Variants in CWC25 observed in about 807,000 individuals in gnomAD.
The protein encoded by CWC25 is CWC25 spliceosome associated protein.
Under a neutral mutation model 54.6 loss-of-function variants are expected in CWC25, and 31 were observed. The ratio of observed to expected loss-of-function variants is 0.57; its 90% CI spans 0.43 to 0.77. The LOEUF (loss-of-function observed/expected upper bound fraction) is 0.77. CWC25 is among the 30% of genes least tolerant of loss of function. The pLI, the probability that CWC25 is intolerant of heterozygous loss-of-function variation, is 0.00. For missense variants in CWC25, 453 were observed against 529.3 expected (o/e 0.86, Z 1.41); for synonymous variants, 151 against 187.0 (o/e 0.81, Z 1.57).
At chr17:38,804,442 G>A (rs1911146079) in intron 8 of CWC25, among the ~76,000 whole-genome samples, 1 of 152,098 alleles carries the variant, frequency 6.6e-6, no homozygotes, top group South Asian at 2.1e-4. Flanking sequence ...GGCCAAGGCA[G>A]GTGGATTGCC....
At chr17:38,802,907 A>T in intron 8 of CWC25, 46 bp from the exon 9 acceptor site, 1 of 1,608,454 alleles carries the variant, frequency 6.2e-7, no homozygotes, top group Non-Finnish European at 8.5e-7. Context: ...CCAGCAAAAA[A>T]ACCAGAAGCA....
intron 5 of CWC25, chr17:38,810,260 C>A (rs185648417): frequency 2.4e-4 from 139 of 574,660 alleles, no homozygotes; most frequent in African/African-American, 2.1e-3. Context: ...GCAGCATGGC[C>A]AAGATACCCA....
chr17:38,818,973 G>A (rs901767106), intron 2 of CWC25, among the ~76,000 whole-genome samples: 3 of 151,902 alleles, frequency 2.0e-5, no homozygotes, highest in Non-Finnish European at 4.4e-5. Flanking sequence ...ATAGTACCTC[G>A]GCTTATGACT....
intron 1 of CWC25, 22 bp downstream of exon 1, chr17:38,825,144 G>T: frequency 2.8e-6 from 3 of 1,074,902 alleles, no homozygotes; most frequent in Non-Finnish European, 3.7e-6. Flanking sequence ...GTCCTCCCCC[G>T]CCCAGGCCTC....
At chr17:38,817,517 A>G (rs228251) in intron 2 of CWC25, among the ~76,000 whole-genome samples, 52,016 of 151,698 alleles carry the variant, frequency 0.34, 11,014 homozygotes, top group African/African-American at 0.6. Flanking sequence ...GGCCAGGCAC[A>G]GTAACTCACG....
intron 6 of CWC25, among the ~76,000 whole-genome samples, chr17:38,809,471 C>CA (rs1256731631): frequency 6.6e-6 from 1 of 151,548 alleles, no homozygotes; most frequent in Non-Finnish European, 1.5e-5. Flanking sequence ...AAAATGTGTG[C>CA]ATTTCATGTA....
Position 38,806,407 on chromosome 17 carries a change from A to G in CWC25, c.903-12T>C. ...CCTTAGAGTTGTGCCTGTAGCAGAC[A>G]CAGAAGGCAAAGAGGAAAAAGCCTT... On this transcript the variant is annotated splice_polypyrimidine_tract_variant and intron_variant, in intron 7 of 9. Coordinates refer to ENST00000614790, the MANE Select transcript of CWC25 (RefSeq NM_017748.5). 1 of 1,611,140 alleles carries G rather than the reference A, an allele frequency of 6.2e-7. No individual in the cohort carries two copies. Among genetic ancestry groups the G allele is most frequent in the Non-Finnish European group, 8.5e-7 (1 of 1,178,354 alleles).
chr17:38,821,725 G>A (rs1047501790), intron 1 of CWC25, among the ~76,000 whole-genome samples: 2 of 151,934 alleles, frequency 1.3e-5, no homozygotes, highest in Non-Finnish European at 2.9e-5. Context: ...TGAGCAGGAA[G>A]GCACATATTT....
At chr17:38,811,968 C>T (rs7219007) in intron 4 of CWC25, among the ~76,000 whole-genome samples, 56,603 of 150,582 alleles carry the variant, frequency 0.38, 13,020 homozygotes, top group Middle Eastern at 0.54. Context: ...GACAGAGTTT[C>T]GCTCTTGTTG....
rs1409451532 is a variant in CWC25 at position 38,810,605 on chromosome 17, G to C, written c.499-10C>G. The C allele has an allele frequency of 4.6e-6, 6 of 1,308,456 alleles. No individual in the cohort carries two copies. Among genetic ancestry groups the C allele is most frequent in the Non-Finnish European group, 6.5e-6 (6 of 925,242 alleles). The allele number at this position is 1,308,456 out of a possible 1,614,324, so 81.1% of individuals were successfully genotyped here. A position where few individuals can be genotyped will look rare whatever the true frequency, so the allele number is the denominator to read the frequency against. ...CCAGACTCATTTGCAACTGGAAAAT[G>C]CCGAGAACACAAGCACACAAGATTA... is the stretch of plus-strand genomic sequence containing the variant. On this transcript the variant is annotated splice_polypyrimidine_tract_variant and intron_variant, in intron 4 of 9. Coordinates refer to ENST00000614790, the MANE Select transcript of CWC25 (RefSeq NM_017748.5).
intron 7 of CWC25, 58 bp from the exon 8 acceptor site, chr17:38,806,453 T>C: frequency 7.3e-7 from 1 of 1,377,712 alleles, no homozygotes; most frequent in Non-Finnish European, 1.0e-6. Flanking sequence ...GGGCTTACAC[T>C]GAATCCCTCA....
At chr17:38,821,163 C>A in intron 1 of CWC25, 90 bp from the exon 2 acceptor site, 1 of 1,345,356 alleles carries the variant, frequency 7.4e-7, no homozygotes, top group Non-Finnish European at 1.0e-6. Flanking sequence ...CTTCCATACC[C>A]AAGGCAGGCG....
Position 38,810,520 on chromosome 17 carries a change from T to C in CWC25, c.574A>G (p.Arg192Gly), listed in dbSNP as rs1224568506. The change falls in exon 5 of 10, where the codon AGA (arginine) becomes GGA (glycine). Residue 192 changes from arginine to glycine, a missense_variant. Coordinates refer to ENST00000614790, the MANE Select transcript of CWC25 (RefSeq NM_017748.5). ...KKKKHKKHKH[R>G]SSSSDRSSSE... ...CTGGAACGATCACTACTCGAGCTTC[T>C]GTGCTTATGTTTCTTGTGCTTCTTT... 6.2e-7 allele frequency: 1 copy of C among 1,606,336 alleles called. No homozygotes were observed. Among genetic ancestry groups the C allele is most frequent in the Non-Finnish European group, 8.5e-7 (1 of 1,176,516 alleles).
intron 1 of CWC25, among the ~76,000 whole-genome samples, chr17:38,821,412 G>A (rs1484670732): frequency 2.6e-5 from 4 of 152,130 alleles, no homozygotes; most frequent in Non-Finnish European, 5.9e-5. Context: ...ACAAAAATTA[G>A]CTGGGCGTGG....
At chr17:38,805,515 T>C (rs1279385419) in intron 8 of CWC25, among the ~76,000 whole-genome samples, 1 of 152,196 alleles carries the variant, frequency 6.6e-6, no homozygotes, top group Non-Finnish European at 1.5e-5. Flanking sequence ...TGTCTTATTA[T>C]GTTGCTCAGA....
At chr17:38,808,946 CAA>C (rs71138657) in intron 6 of CWC25, among the ~76,000 whole-genome samples, 34,760 of 107,678 alleles carry the variant, frequency 0.32, 4,480 homozygotes, top group African/African-American at 0.39. Context: ...AACTCCACCT[CAA>C]AAAAAAAAAA....
chr17:38,815,195 C>G, intron 2 of CWC25, 98 bp from the exon 3 acceptor site: 1 of 1,055,026 alleles, frequency 9.5e-7, no homozygotes, highest in South Asian at 1.5e-5. Context: ...AGAACCACAG[C>G]TAATCAGAGT....
intron 6 of CWC25, among the ~76,000 whole-genome samples, chr17:38,808,606 C>A (rs2143558178): frequency 7.2e-6 from 1 of 139,262 alleles, no homozygotes; most frequent in East Asian, 2.2e-4. Flanking sequence ...CATGGAGAAA[C>A]CCTGTCTCTA....
chr17:38,808,068 A>G lies in CWC25; in HGVS notation c.691-1092T>C, dbSNP rs184120881. ...GAGACTCCATCTCAAAAAAAAAAAA[A>G]AAAAGAAAAGAAAAGAAAAGAATAT... On this transcript the variant is annotated intron_variant, in intron 6 of 9. Coordinates refer to ENST00000614790, the MANE Select transcript of CWC25 (RefSeq NM_017748.5). 5.2e-3 allele frequency among the ~76,000 whole-genome samples: 651 copies of G among 124,098 alleles called. 41 individuals are homozygous for G. Among genetic ancestry groups the G allele is most frequent in the African/African-American group, 0.016 (475 of 30,634 alleles). The allele number at this position is 124,098 out of a possible 152,430, so 81.4% of individuals were successfully genotyped here.
Sources: allele counts gnomAD v4.1 joint callset (sites outside exome capture counted in the v4.1 genomes callset), GRCh38; gene constraint gnomAD v4.1.1; transcripts MANE v1.5; gene names NCBI Gene and HGNC (gene_info 2026-07-23, HGNC 2026-07-21).